NOP9: variants seen among roughly 807,000 people sequenced by gnomAD.
The protein encoded by NOP9 is nucleolar protein 9.
A neutral mutation model predicts 63.0 loss-of-function variants in NOP9; 50 were observed. The observed-to-expected ratio is 0.79, with a 90% CI of 0.63 to 1.00. The LOEUF (loss-of-function observed/expected upper bound fraction) is 1.00, where lower values mean the gene tolerates loss of function less well. Among genes scored for constraint, NOP9 ranks in the 50% least tolerant of loss-of-function variants. The pLI is 0.00. For missense variants in NOP9, 758 were observed against 803.0 expected (o/e 0.94, Z 0.68); for synonymous variants, 343 against 332.8 (o/e 1.03, Z -0.33).
rs371242707 is a variant in NOP9 at position 24,301,729 on chromosome 14, A to G, written c.808+7A>G. On this transcript the variant is annotated splice_region_variant and intron_variant, in intron 3 of 9. Transcript: ENST00000267425. ...TTTCTGAAGGACATTGCAGGTAAGG[A>G]GGGAAGTAGGAGGATGGTCTCGTAT... 1.2e-5 allele frequency: 19 copies of G among 1,613,804 alleles called. No individual in the cohort carries two copies. In the African/African-American group the frequency reaches 1.6e-4, roughly 14 times the overall value.
At position 24,306,693 on chromosome 14, in the gene NOP9, G is replaced by A; in HGVS notation, c.*1598G>A. On this transcript the variant is annotated 3_prime_UTR_variant, in exon 10 of 10. Transcript: ENST00000267425. ...AGCTCTCCGTGTTCTTCAGTTTTTG[G>A]GGGATCCTAGCTAGAGGCTGACCTT... 1 of 752,430 alleles carries A rather than the reference G, an allele frequency of 1.3e-6. No individual in the cohort carries two copies. The highest frequency in any genetic ancestry group is 2.1e-6 in the Non-Finnish European group (1 of 466,348). 46.6% of individuals were successfully genotyped at this position (752,430 alleles called of 1,614,324 possible).
At chr14:24,285,816 C>G in the NOP9 span, among the ~76,000 whole-genome samples, 1 of 151,984 alleles carries the variant, frequency 6.6e-6, no homozygotes, top group South Asian at 2.1e-4. Flanking sequence ...TGGTGAAACC[C>G]GGTCTCTACT....
Position 24,304,242 on chromosome 14 carries a change from C to A in NOP9, c.1612C>A (p.Arg538Ser). The change falls in exon 8 of 10, where the codon CGC becomes AGC. Residue 538 changes from arginine to serine, a missense_variant. Arg to Ser is a moderately radical substitution (Grantham distance 110, BLOSUM62 -1). Coordinates refer to ENST00000267425, the MANE Select transcript of NOP9 (RefSeq NM_174913.3). ...CATCCTGACCAGCCCCTCTGTGACG[C>A]GCAAGCTGCGCCGCCGTGTGCTGCA... ...DAILTSPSVT[R>S]KLRRRVLQNL... The A allele has an allele frequency of 6.2e-7, 1 of 1,614,074 alleles. No individual in the cohort carries two copies. The highest frequency in any genetic ancestry group is 1.7e-5 in the Admixed American group (1 of 60,034).
chr14:24,281,114 C>T, the NOP9 span, among the ~76,000 whole-genome samples: 1 of 152,200 alleles, frequency 6.6e-6, no homozygotes, highest in African/African-American at 2.4e-5. Context: ...GGAAGAGGGG[C>T]AGGGAGGACC....
At chr14:24,301,116 A>G (rs997693878) in intron 2 of NOP9, among the ~76,000 whole-genome samples, 3 of 152,188 alleles carry the variant, frequency 2.0e-5, no homozygotes, top group Non-Finnish European at 2.9e-5. Flanking sequence ...ATGACTTAAT[A>G]TACAAATGGA....
the NOP9 span, chr14:24,292,016 T>C: frequency 2.6e-4 from 221 of 865,832 alleles, no homozygotes; most frequent in African/African-American, 3.6e-3. Context: ...ATCTGTAGAA[T>C]GGAGCTGGTA....
At chr14:24,292,245 G>C in the NOP9 span, 12 of 1,614,080 alleles carry the variant, frequency 7.4e-6, no homozygotes, top group Non-Finnish European at 1.0e-5. Flanking sequence ...CAGCAGTTCT[G>C]TCTGCACAAT....
chr14:24,305,785 G>A lies in NOP9; in HGVS notation c.*690G>A. The A allele has an allele frequency of 6.2e-7, 1 of 1,610,200 alleles. No individual in the cohort carries two copies. The highest frequency in any genetic ancestry group is 1.1e-5 in the South Asian group (1 of 90,544). ...AGCTCCCTGAATGGCAGAGACAAGA[G>A]GAAATCAGATGATTTGGAAAACTTG... On this transcript the variant is annotated 3_prime_UTR_variant, in exon 10 of 10. Transcript: ENST00000267425.
the NOP9 span, among the ~76,000 whole-genome samples, chr14:24,277,066 G>A: frequency 6.6e-6 from 1 of 152,178 alleles, no homozygotes; most frequent in Non-Finnish European, 1.5e-5. Context: ...CATGGAGAGT[G>A]AGGATGGAGA....
the NOP9 span, among the ~76,000 whole-genome samples, chr14:24,275,274 C>G: frequency 6.6e-6 from 1 of 152,296 alleles, no homozygotes; most frequent in South Asian, 2.1e-4. Flanking sequence ...TAGAAAGAAA[C>G]AAACAGTAAT....
At chr14:24,303,032 C>A in intron 5 of NOP9, 42 bp from the exon 6 acceptor site, 1 of 1,500,420 alleles carries the variant, frequency 6.7e-7, no homozygotes, top group Non-Finnish European at 8.9e-7. Context: ...TGTGGTCCGC[C>A]ATTACCAGAA....
upstream of NOP9, chr14:24,296,905 G>C (rs1483889565): frequency 6.2e-7 from 1 of 1,613,988 alleles, no homozygotes; most frequent in South Asian, 1.1e-5. Flanking sequence ...GGGGATATGA[G>C]CTCACATTCA....
At chr14:24,299,542 G>T (rs370567437), upstream of NOP9, 2 of 218,950 alleles carry the variant, frequency 9.1e-6, no homozygotes, top group Non-Finnish European at 1.8e-5. Flanking sequence ...GAAGCCTGGA[G>T]ATCCTAAGCC....
Position 24,306,211 on chromosome 14 carries a change from C to G in NOP9, c.*1116C>G. On this transcript the variant is annotated 3_prime_UTR_variant, in exon 10 of 10. Transcript: ENST00000267425. The stretch of plus-strand genomic sequence containing the variant: ...CCACTAATCTCCATCAGCACTGGGT[C>G]AGACCCTCCCTCGCTTGGACTTTCT... 6.5e-7 allele frequency: 1 copy of G among 1,545,898 alleles called. No individual in the cohort carries two copies. Among genetic ancestry groups the G allele is most frequent in the Non-Finnish European group, 8.9e-7 (1 of 1,128,566 alleles).
rs2041423219 is a variant in NOP9, at chr14:24,303,832, AG to A, written c.1390del (p.Ala464GlnfsTer19). 6.2e-7 allele frequency: 1 copy of A among 1,613,820 alleles called. No individual in the cohort carries two copies. The highest frequency in any genetic ancestry group is 1.3e-5 in the African/African-American group (1 of 74,836). On this transcript the variant is annotated frameshift_variant, in exon 7 of 10. Transcript: ENST00000267425. LOFTEE classifies it high-confidence loss of function. ...GTGTACTATGGACTGACGGAGGAGG[AG>A]GGGGCAGTGCCTGCAGAGCACCAGG... ...YEVYYGLTEE[E>X]GAVPAEHQVA...
chr14:24,303,284 C>T lies in NOP9; in HGVS notation c.1284+70C>T, dbSNP rs2041410704. ...TTCTACCTTTTAGGACTTATCTAAT[C>T]TTAAGTTTTTGTACCTCTGGACTCA... On this transcript the variant is annotated intron_variant, in intron 6 of 9. Coordinates refer to ENST00000267425, the MANE Select transcript of NOP9 (RefSeq NM_174913.3). 36 of 1,595,072 alleles carry T rather than the reference C, an allele frequency of 2.3e-5. 2 individuals carry two copies. The South Asian group carries it at 3.5e-4, about 16-fold the overall frequency.
the NOP9 span, among the ~76,000 whole-genome samples, chr14:24,288,371 A>G: frequency 1.3e-5 from 2 of 150,952 alleles, no homozygotes; most frequent in Non-Finnish European, 3.0e-5. Flanking sequence ...TTTTTTTGAG[A>G]TGGAGTCTCA....
In NOP9 at chr14:24,306,361, A is replaced by G. The variant is rs1566416566; in HGVS notation, c.*1266A>G. 4 of 1,614,212 alleles carry G rather than the reference A, an allele frequency of 2.5e-6. No individual in the cohort carries two copies. Among genetic ancestry groups the G allele is most frequent in the African/African-American group, 1.3e-5 (1 of 75,060 alleles). On this transcript the variant is annotated 3_prime_UTR_variant, in exon 10 of 10. Coordinates refer to ENST00000267425, the MANE Select transcript of NOP9 (RefSeq NM_174913.3). The stretch of plus-strand genomic sequence containing the variant: ...GACAGGCATTGGAAGCAGCCCCAGT[A>G]TAGGCCTCTTACCCTTGTAGGGCTC...
In NOP9 at chr14:24,300,068, AC is replaced by A; in HGVS notation, c.117del (p.Trp40GlyfsTer18). 6.2e-7 allele frequency: 1 copy of A among 1,612,506 alleles called. No homozygotes were observed. The highest frequency in any genetic ancestry group is 8.5e-7 in the Non-Finnish European group (1 of 1,179,734). On this transcript the variant is annotated frameshift_variant, in exon 1 of 10. Transcript: ENST00000267425. LOFTEE classifies it high-confidence loss of function. ...GRPLPGRKRQ[P>X]WPPPDGRSEP... ...GCCCCTTACCAGGCCGTAAGCGGCA[AC>A]CCTGGCCGCCTCCGGATGGGCGCTC...
Sources: allele counts gnomAD v4.1 joint callset (sites outside exome capture counted in the v4.1 genomes callset), GRCh38; gene constraint gnomAD v4.1.1; transcripts MANE v1.5; gene names NCBI Gene and HGNC (gene_info 2026-07-23, HGNC 2026-07-21).